Variants in POLR1A observed in about 807,000 individuals in gnomAD.
POLR1A encodes RNA polymerase I subunit A.
A neutral mutation model predicts 205.3 loss-of-function variants in POLR1A; 84 were observed. The observed-to-expected ratio is 0.41, with a 90% confidence interval of 0.34 to 0.49. The LOEUF is 0.49. Among genes scored for constraint, POLR1A ranks in the 20% least tolerant of loss-of-function variants. POLR1A has a pLI of 0.22. For synonymous variants in POLR1A, 799 were observed against 863.7 expected, an observed-to-expected ratio of 0.93 and a Z score of 1.31; for missense variants, 1,645 against 2,204.5, an observed-to-expected ratio of 0.75 and a Z score of 5.08.
chr2:86,065,203 G>C, intron 14 of POLR1A, 71 bp downstream of exon 14: 1 of 1,357,238 alleles, frequency 7.4e-7, no homozygotes, highest in Non-Finnish European at 1.0e-6. Flanking sequence ...GGACTCTTCT[G>C]AGAATAAAAC....
Position 86,066,620 on chromosome 2 carries a change from T to G in POLR1A, c.1867-1155A>C, listed in dbSNP as rs866483974. Among the ~76,000 whole-genome samples, 6 of 152,206 alleles carry G rather than the reference T, an allele frequency of 3.9e-5. No homozygotes were observed. In the South Asian group the frequency reaches 6.2e-4, roughly 16 times the overall value. ...TTATTTGTTAAATACTAGCCAACAG[T>G]ATGGTCATGTTTTATAACTAAGGCT... On this transcript the variant is annotated intron_variant, in intron 13 of 33. Transcript: ENST00000263857.
chr2:86,041,539 G>C (rs866657287), intron 24 of POLR1A, among the ~76,000 whole-genome samples: 3 of 152,144 alleles, frequency 2.0e-5, no homozygotes, highest in Non-Finnish European at 4.4e-5. Context: ...GACCTGCCCT[G>C]GGTCACACGG....
chr2:86,082,908 C>T (rs1673431525), intron 7 of POLR1A, among the ~76,000 whole-genome samples, 174 bp downstream of exon 7: 2 of 152,182 alleles, frequency 1.3e-5, no homozygotes. Flanking sequence ...ATGACCTCTC[C>T]TGCTCTATGA....
In POLR1A at chr2:86,054,278, C is replaced by G. The variant is rs545753325; in HGVS notation, c.2070G>C (p.Thr690=). 23 of 1,613,744 alleles carry G rather than the reference C, an allele frequency of 1.4e-5. No individual in the cohort carries two copies. The highest frequency in any genetic ancestry group is 1.9e-5 in the Non-Finnish European group (22 of 1,179,856). ...PLWTGKQVVS[T]LLINIIPEDH... is the part of the protein sequence containing the mutation. ...CCTCTGGGATTATATTTATGAGCAGCGTTGACACAACCTGCAAAGAAAAAG... is the reference window on the plus strand; with the variant it reads ...CCTCTGGGATTATATTTATGAGCAGGGTTGACACAACCTGCAAAGAAAAAG... Residue 690 remains threonine (T), a synonymous_variant, in exon 15 of 34, where the codon ACG becomes ACC. Transcript: ENST00000263857.
At chr2:86,103,630 C>G (rs1247290832) in intron 1 of POLR1A, among the ~76,000 whole-genome samples, 1 of 152,168 alleles carries the variant, frequency 6.6e-6, no homozygotes, top group Non-Finnish European at 1.5e-5. Flanking sequence ...AATTTCTGGG[C>G]TAGCACACTG....
chr2:86,066,251 G>C (rs1279319614), intron 13 of POLR1A, among the ~76,000 whole-genome samples: 3 of 152,154 alleles, frequency 2.0e-5, no homozygotes, highest in Non-Finnish European at 4.4e-5. Context: ...CTGCAGAAGG[G>C]AGAATAGCCA....
At chr2:86,083,280 A>G (rs778718897) in intron 6 of POLR1A, 112 bp from the exon 7 acceptor site, 19 of 752,962 alleles carry the variant, frequency 2.5e-5, no homozygotes, top group East Asian at 5.3e-5. Flanking sequence ...ACAAAAATCA[A>G]TCTCAAGGGT....
At chr2:86,058,975 A>AATT (rs745352459) in intron 14 of POLR1A, among the ~76,000 whole-genome samples, 21 of 152,134 alleles carry the variant, frequency 1.4e-4, no homozygotes, top group Non-Finnish European at 2.2e-4. Flanking sequence ...TAATAATAAT[A>AATT]AAAGATAAGT....
intron 13 of POLR1A, among the ~76,000 whole-genome samples, chr2:86,066,360 A>T (rs139747044): frequency 1.2e-3 from 180 of 152,328 alleles, no homozygotes; most frequent in African/African-American, 4.2e-3. Flanking sequence ...TTTTATGAAA[A>T]GCCTGAGATT....
chr2:86,083,266 G>T, intron 6 of POLR1A, 98 bp from the exon 7 acceptor site: 2 of 842,082 alleles, frequency 2.4e-6, no homozygotes, highest in Non-Finnish European at 4.0e-6. Context: ...CCTGCAACTT[G>T]ACCACAAAAA....
intron 26 of POLR1A, 135 bp from the exon 27 acceptor site, chr2:86,038,992 T>G: frequency 1.3e-6 from 1 of 781,850 alleles, no homozygotes; most frequent in South Asian, 1.7e-5. Context: ...GAAACCCTGG[T>G]GAGCTATACT....
Position 86,098,423 on chromosome 2 carries a change from T to G in POLR1A, c.432+188A>C, listed in dbSNP as rs560532497. On this transcript the variant is annotated intron_variant, in intron 3 of 33. Transcript: ENST00000263857. ...AAATGGTATTTCACTATTGTTTCTA[T>G]GAACATTTCTTTTATTATTCTTATA... Among the ~76,000 whole-genome samples the G allele has an allele frequency of 9.2e-5, 14 of 152,374 alleles. No homozygotes were observed. The South Asian group carries it at 1.4e-3, about 16-fold the overall frequency.
intron 16 of POLR1A, among the ~76,000 whole-genome samples, chr2:86,051,629 G>A (rs1179419167): frequency 1.3e-5 from 2 of 152,206 alleles, no homozygotes; most frequent in Non-Finnish European, 2.9e-5. Context: ...TCCCCCTAAC[G>A]CGAACAGCGT....
intron 3 of POLR1A, among the ~76,000 whole-genome samples, chr2:86,091,090 C>G (rs571602029): frequency 2.0e-5 from 3 of 152,292 alleles, no homozygotes; most frequent in Non-Finnish European, 4.4e-5. Flanking sequence ...ACTATACTCT[C>G]AGGAACTACC....
chr2:86,041,879 C>CT lies in POLR1A; in HGVS notation c.3572+9dup. 1 of 1,609,214 alleles carries CT rather than the reference C, an allele frequency of 6.2e-7. No homozygotes were observed. The highest frequency in any genetic ancestry group is 8.5e-7 in the Non-Finnish European group (1 of 1,175,488). On this transcript the variant is annotated intron_variant, in intron 24 of 33. Coordinates refer to ENST00000263857, the MANE Select transcript of POLR1A (RefSeq NM_015425.6). ...CCTGCACATGTTGTGCAACAAATCACTGTCAATACCTGTCGAGAGAAAGCT... is the reference window on the plus strand; with the variant it reads ...CCTGCACATGTTGTGCAACAAATCACTTGTCAATACCTGTCGAGAGAAAGCT...
intron 9 of POLR1A, among the ~76,000 whole-genome samples, chr2:86,079,684 C>T (rs1673360997): frequency 6.6e-6 from 1 of 152,006 alleles, no homozygotes; most frequent in African/African-American, 2.4e-5. Context: ...CACCTCAGCC[C>T]CCTGAGTAGC....
At chr2:86,053,073 A>G (rs2104399141) in intron 15 of POLR1A, 73 bp from the exon 16 acceptor site, 1 of 1,144,256 alleles carries the variant, frequency 8.7e-7, no homozygotes, top group Non-Finnish European at 1.2e-6. Flanking sequence ...CCTCTACTCC[A>G]TGTGTGACCC....
intron 30 of POLR1A, among the ~76,000 whole-genome samples, chr2:86,030,625 C>T: frequency 6.6e-6 from 1 of 152,178 alleles, no homozygotes; most frequent in Non-Finnish European, 1.5e-5. Flanking sequence ...GTTTTCACAG[C>T]TGTCGGTGAC....
At chr2:86,098,817 T>C in intron 2 of POLR1A, 57 bp from the exon 3 acceptor site, 1 of 1,547,386 alleles carries the variant, frequency 6.5e-7, no homozygotes, top group Non-Finnish European at 8.9e-7. Context: ...GTAGCCATGG[T>C]GATTTTCGGT....
Sources: allele counts gnomAD v4.1 joint callset (sites outside exome capture counted in the v4.1 genomes callset), GRCh38; gene constraint gnomAD v4.1.1; transcripts MANE v1.5; gene names NCBI Gene and HGNC (gene_info 2026-07-23, HGNC 2026-07-21).